Variants in NFIB observed in about 807,000 individuals in gnomAD.
NFIB encodes nuclear factor I B.
In NFIB, 11 loss-of-function variants were observed where a neutral mutation model predicts 61.5. The ratio of observed to expected loss-of-function variants is 0.18; its 90% CI spans 0.11 to 0.30. The LOEUF (loss-of-function observed/expected upper bound fraction) is 0.30, where lower values mean the gene tolerates loss of function less well. Among genes scored for constraint, NFIB ranks in the 10% least tolerant of loss-of-function variants. The probability of loss-of-function intolerance (pLI) is 1.00; values close to 1 mark genes in which losing one functional copy is unlikely to be tolerated. For synonymous variants in NFIB, 260 were observed against 216.5 expected (o/e 1.20, Z -1.76); for missense variants, 471 against 608.9 (o/e 0.77, Z 2.38).
In NFIB at chr9:14,396,314, T is replaced by C. The variant is rs537609238; in HGVS notation, c.108+2210A>G. Among the ~76,000 whole-genome samples, 27 of 152,186 alleles carry C rather than the reference T, an allele frequency of 1.8e-4. 1 individual carries two copies. In the South Asian group the frequency reaches 5.0e-3, roughly 28 times the overall value. On this transcript the variant is annotated intron_variant, in intron 1 of 8. Transcript: ENST00000380934. ...AGTTGAAAAGAGGCTTAATGTTAAA[T>C]TATGAGATCCCAGCTATTGTGGAAA... is the stretch of plus-strand genomic sequence containing the variant.
intron 1 of NFIB, among the ~76,000 whole-genome samples, chr9:14,310,540 G>A (rs977881890): frequency 6.6e-6 from 1 of 152,034 alleles, no homozygotes; most frequent in Non-Finnish European, 1.5e-5. Flanking sequence ...TAACTGTCCT[G>A]ATACAAAAAT....
chr9:14,203,977 A>G (rs2049339137), intron 2 of NFIB, among the ~76,000 whole-genome samples: 3 of 152,184 alleles, frequency 2.0e-5, no homozygotes, highest in Middle Eastern at 3.2e-3. Flanking sequence ...ACCATATTAA[A>G]ACATACTACA....
rs537543822 is a variant in NFIB, at chr9:14,132,562, TATTTATTTAA to T, written c.926-6806_926-6797del. Among the ~76,000 whole-genome samples the T allele has an allele frequency of 1.6e-4, 24 of 152,164 alleles. No individual in the cohort carries two copies. In the South Asian group the frequency reaches 4.8e-3, roughly 30 times the overall value. On this transcript the variant is annotated intron_variant, in intron 6 of 10. Coordinates refer to ENST00000380953, the MANE Select transcript of NFIB (RefSeq NM_001190737.2). ...CTTTTATTATTGTGTAAATTTCATTTATTTATTTAAATTTATTTAATTATTTTAGAGACAA... is the reference window on the plus strand; with the variant it reads ...CTTTTATTATTGTGTAAATTTCATTTATTTATTTAATTATTTTAGAGACAA...
the NFIB span, among the ~76,000 whole-genome samples, chr9:14,512,474 G>A: frequency 1.3e-5 from 2 of 151,866 alleles, no homozygotes; most frequent in Admixed American, 1.3e-4. Context: ...CGTATTTCTA[G>A]GCATATCTTT....
the NFIB span, among the ~76,000 whole-genome samples, chr9:14,453,630 T>C: frequency 6.6e-6 from 1 of 152,162 alleles, no homozygotes; most frequent in Non-Finnish European, 1.5e-5. Flanking sequence ...TCTTAGTAAA[T>C]CATTGAGAGT....
the NFIB span, among the ~76,000 whole-genome samples, chr9:14,459,452 C>G: frequency 6.8e-3 from 1,031 of 152,290 alleles, 38 homozygotes; most frequent in East Asian, 0.12. Flanking sequence ...AGGACATAGG[C>G]ATGGGTAAGG....
the NFIB span, among the ~76,000 whole-genome samples, chr9:14,474,605 A>G: frequency 2.6e-5 from 4 of 152,186 alleles, no homozygotes; most frequent in Admixed American, 2.6e-4. Flanking sequence ...TCTAAATCTG[A>G]TCTGGGTGGG....
chr9:14,281,987 C>A (rs926957433), intron 2 of NFIB, among the ~76,000 whole-genome samples: 1 of 152,072 alleles, frequency 6.6e-6, no homozygotes, highest in East Asian at 1.9e-4. Flanking sequence ...TTTCAAAAAA[C>A]CAATGTAAAC....
the NFIB span, among the ~76,000 whole-genome samples, chr9:14,451,397 G>A: frequency 6.6e-6 from 1 of 152,014 alleles, no homozygotes; most frequent in Non-Finnish European, 1.5e-5. Flanking sequence ...GAACCTTAAT[G>A]TGCTCACTAC....
chr9:14,447,258 A>G, the NFIB span, among the ~76,000 whole-genome samples: 1 of 152,140 alleles, frequency 6.6e-6, no homozygotes, highest in Admixed American at 6.5e-5. Context: ...TTATGAATCC[A>G]TGTCTGCTCT....
At chr9:14,154,345 C>T (rs2043161202) in intron 4 of NFIB, among the ~76,000 whole-genome samples, 1 of 152,080 alleles carries the variant, frequency 6.6e-6, no homozygotes, top group Admixed American at 6.6e-5. Context: ...AATAAGCCTC[C>T]TAACTGGAGC....
intron 2 of NFIB, chr9:14,300,263 G>T: frequency 2.5e-6 from 1 of 398,420 alleles, no homozygotes; most frequent in South Asian, 1.3e-4. Context: ...GCATGCAGCC[G>T]TAATAACTCA....
intron 2 of NFIB, among the ~76,000 whole-genome samples, chr9:14,303,914 T>C (rs778591531): frequency 5.3e-5 from 8 of 152,214 alleles, no homozygotes; most frequent in South Asian, 4.1e-4. Flanking sequence ...TTAGGTGAAG[T>C]GCAGGGAGAC....
At chr9:14,491,496 CAGT>C in the NFIB span, among the ~76,000 whole-genome samples, 1 of 152,154 alleles carries the variant, frequency 6.6e-6, no homozygotes, top group Non-Finnish European at 1.5e-5. Flanking sequence ...GCAAGACAGA[CAGT>C]AGAAGATAGG....
At chr9:14,374,826 C>G (rs1269333172) in intron 1 of NFIB, among the ~76,000 whole-genome samples, 1 of 152,128 alleles carries the variant, frequency 6.6e-6, no homozygotes, top group Non-Finnish European at 1.5e-5. Flanking sequence ...AGGAAAATCA[C>G]TTGAATCAGG....
intron 10 of NFIB, among the ~76,000 whole-genome samples, chr9:14,111,864 T>C (rs1206531311): frequency 6.6e-6 from 1 of 152,206 alleles, no homozygotes; most frequent in Non-Finnish European, 1.5e-5. Flanking sequence ...ATCATCTTTA[T>C]GATTTTCTCT....
chr9:14,492,444 C>T, the NFIB span, among the ~76,000 whole-genome samples: 1 of 151,854 alleles, frequency 6.6e-6, no homozygotes, highest in Non-Finnish European at 1.5e-5. Flanking sequence ...ACTTGGCTCA[C>T]AGTTCTGCAG....
At chr9:14,277,342 CAG>C (rs1023254049) in intron 2 of NFIB, among the ~76,000 whole-genome samples, 16 of 48,354 alleles carry the variant, frequency 3.3e-4, no homozygotes, top group African/African-American at 9.1e-4. Flanking sequence ...CACGCACACA[CAG>C]ACACACACAC....
At chr9:14,324,667 T>C (rs1229860269) in intron 1 of NFIB, among the ~76,000 whole-genome samples, 2 of 152,162 alleles carry the variant, frequency 1.3e-5, no homozygotes, top group Admixed American at 6.5e-5. Flanking sequence ...AGAGTTTGTA[T>C]CACCTGTCAA....
Sources: allele counts gnomAD v4.1 joint callset (sites outside exome capture counted in the v4.1 genomes callset), GRCh38; gene constraint gnomAD v4.1.1; transcripts MANE v1.5; gene names NCBI Gene and HGNC (gene_info 2026-07-23, HGNC 2026-07-21).